Variants in HTR2C observed in about 807,000 individuals in gnomAD.
HTR2C encodes the protein 5-hydroxytryptamine (serotonin) receptor 2C, G protein-coupled.
HTR2C carries 5 observed loss-of-function variants against 21.0 expected under a neutral mutation model. The observed-to-expected ratio is 0.24, with a 90% CI of 0.12 to 0.50. HTR2C has a LOEUF of 0.50. Among genes scored for constraint, HTR2C ranks in the 20% least tolerant of loss-of-function variants. The pLI is 0.98. For synonymous variants in HTR2C, 150 were observed against 145.3 expected (o/e 1.03, Z -0.23); for missense variants, 271 against 371.2 (o/e 0.73, Z 2.22).
intron 5 of HTR2C, among the ~76,000 whole-genome samples, chrX:114,904,115 G>A (rs992524673): frequency 1.8e-5 from 2 of 111,960 alleles, no homozygotes; most frequent in Non-Finnish European, 3.8e-5. Flanking sequence ...ATTAGCAGTG[G>A]CCAATCAGTT....
chrX:114,621,401 T>A (rs1287383085), intron 2 of HTR2C, among the ~76,000 whole-genome samples: 1 of 112,337 alleles, frequency 8.9e-6, no homozygotes, highest in Non-Finnish European at 1.9e-5. Flanking sequence ...TGGGTTCCAA[T>A]GAAATTTTAT....
At chrX:114,901,601 A>G (rs1194915141) in intron 5 of HTR2C, among the ~76,000 whole-genome samples, 1 of 112,227 alleles carries the variant, frequency 8.9e-6, no homozygotes, top group Non-Finnish European at 1.9e-5. Flanking sequence ...AGACTCTTAT[A>G]TGTTTACTGA....
At chrX:114,869,952 G>A (rs938296388) in intron 5 of HTR2C, among the ~76,000 whole-genome samples, 1 of 112,005 alleles carries the variant, frequency 8.9e-6, no homozygotes, top group South Asian at 3.7e-4. Flanking sequence ...CTGTTGATGT[G>A]ATGTATCACA....
chrX:114,609,821 A>G (rs1466845679), intron 1 of HTR2C, among the ~76,000 whole-genome samples: 2 of 112,074 alleles, frequency 1.8e-5, no homozygotes, highest in African/African-American at 6.5e-5. Flanking sequence ...GGTTCCATTT[A>G]CATAAACTTC....
chrX:114,718,936 TATA>T lies in HTR2C; in HGVS notation c.-79-7918_-79-7916del, dbSNP rs1303149534. 3.8e-3 allele frequency among the ~76,000 whole-genome samples: 378 copies of T among 100,799 alleles called. 2 individuals carry two copies. Among genetic ancestry groups the T allele is most frequent in the African/African-American group, 0.013 (347 of 27,639 alleles). The allele number at this position is 100,799 out of a possible 115,157, so 87.5% of individuals were successfully genotyped here. A position where few individuals can be genotyped will look rare whatever the true frequency, so the allele number is the denominator to read the frequency against. On this transcript the variant is annotated intron_variant, in intron 2 of 5. Coordinates refer to ENST00000276198, the MANE Select transcript of HTR2C (RefSeq NM_000868.4). ...TAATTTTATATAATTATATATATAA[TATA>T]ATATAAATTATATTAATATTAATAT...
chrX:114,771,850 A>G (rs1181965896), intron 4 of HTR2C, among the ~76,000 whole-genome samples: 1 of 112,460 alleles, frequency 8.9e-6, no homozygotes, highest in African/African-American at 3.2e-5. Flanking sequence ...GAGTCAGGAC[A>G]AATAGCCCAA....
At chrX:114,761,950 T>C (rs1556432581) in intron 4 of HTR2C, among the ~76,000 whole-genome samples, 17 of 108,253 alleles carry the variant, frequency 1.6e-4, no homozygotes, top group South Asian at 7.1e-4. Flanking sequence ...TATATATACG[T>C]GTATATATAC....
At chrX:114,754,964 G>A (rs1215424234) in intron 4 of HTR2C, among the ~76,000 whole-genome samples, 1 of 111,953 alleles carries the variant, frequency 8.9e-6, no homozygotes, top group Non-Finnish European at 1.9e-5. Context: ...AAGTGGCCGG[G>A]CACGGTGGCT....
chrX:114,685,826 T>A (rs2147857312), intron 2 of HTR2C, among the ~76,000 whole-genome samples: 1 of 112,197 alleles, frequency 8.9e-6, no homozygotes, highest in Admixed American at 9.5e-5. Context: ...TTATCCGTGT[T>A]AAAAATGTTA....
chrX:114,801,791 C>A (rs1420936090), intron 4 of HTR2C, among the ~76,000 whole-genome samples: 1 of 110,777 alleles, frequency 9.0e-6, no homozygotes, highest in East Asian at 2.8e-4. Context: ...TCCATCACCT[C>A]AAGCATTTAT....
At chrX:114,862,556 A>G (rs951239717) in intron 5 of HTR2C, among the ~76,000 whole-genome samples, 1 of 111,027 alleles carries the variant, frequency 9.0e-6, no homozygotes, top group Non-Finnish European at 1.9e-5. Context: ...TTGAATCTCT[A>G]TATTGCTTTG....
At chrX:114,641,055 TTTTTCTTTTC>T (rs1556406338) in intron 2 of HTR2C, among the ~76,000 whole-genome samples, 1,083 of 101,381 alleles carry the variant, frequency 0.011, 26 homozygotes, top group African/African-American at 0.04. Context: ...TTTCTTTCTT[TTTTTCTTTTC>T]TTTTCTTTTC....
chrX:114,777,750 G>A (rs186481859), intron 4 of HTR2C, among the ~76,000 whole-genome samples: 89 of 110,938 alleles, frequency 8.0e-4, no homozygotes, highest in African/African-American at 2.7e-3. Flanking sequence ...TAGAGACAGG[G>A]TTTCCCTGTG....
chrX:114,779,078 T>A (rs1469168186), intron 4 of HTR2C, among the ~76,000 whole-genome samples: 1 of 111,698 alleles, frequency 9.0e-6, no homozygotes, highest in Non-Finnish European at 1.9e-5. Flanking sequence ...TGGCAAAACA[T>A]CAAATTGCCA....
Position 114,907,111 on chromosome X carries a change from A to T in HTR2C, c.1073A>T (p.Tyr358Phe). 1 of 1,211,472 alleles carries T rather than the reference A, an allele frequency of 8.3e-7. No individual in the cohort carries two copies. The highest frequency in any genetic ancestry group is 1.1e-6 in the Non-Finnish European group (1 of 895,361). ...KLLNVFVWIG[Y>F]VCSGINPLVY... ...CTGAATGTGTTTGTTTGGATTGGCT[A>T]TGTTTGTTCAGGAATCAATCCTCTG... Residue 358 changes from tyrosine to phenylalanine, a missense_variant, in exon 6 of 6, where the codon TAT becomes TTT. Around this residue, in one of 5 missense-constraint regions of HTR2C, gnomAD observed 192 missense variants for 247.2 expected, o/e 0.78. Coordinates refer to ENST00000276198, the MANE Select transcript of HTR2C (RefSeq NM_000868.4).
intron 2 of HTR2C, among the ~76,000 whole-genome samples, chrX:114,633,947 T>TATATAGAGAGAGAGAG (rs201763901): frequency 4.3e-5 from 4 of 92,183 alleles, no homozygotes; most frequent in East Asian, 3.7e-4. Flanking sequence ...TATATATATA[T>TATATAGAGAGAGAGAG]AGAGAGAGAG....
At chrX:114,693,855 C>T (rs782176975) in intron 2 of HTR2C, among the ~76,000 whole-genome samples, 10 of 111,112 alleles carry the variant, frequency 9.0e-5, no homozygotes, top group Non-Finnish European at 1.7e-4. Context: ...TGTGGAGATA[C>T]GTAGAAAAAT....
At chrX:114,903,178 C>T (rs2071349200) in intron 5 of HTR2C, among the ~76,000 whole-genome samples, 1 of 111,490 alleles carries the variant, frequency 9.0e-6, no homozygotes, top group African/African-American at 3.3e-5. Context: ...CAGTGTACAA[C>T]ATATATTGTT....
At chrX:114,822,174 AT>A (rs1324275419) in intron 4 of HTR2C, among the ~76,000 whole-genome samples, 6 of 111,378 alleles carry the variant, frequency 5.4e-5, no homozygotes, top group African/African-American at 1.6e-4. Flanking sequence ...AAAAAATTAT[AT>A]TTTTTTCTAT....
Sources: gnomAD v4.1 joint callset for allele counts (sites outside exome capture counted in the v4.1 genomes callset) on GRCh38, gnomAD v4.1.1 for gene constraint, gnomAD v4.1.1 regional missense constraint, MANE v1.5 for transcripts, NCBI Gene and HGNC (gene_info 2026-07-23, HGNC 2026-07-21) for gene names.